SYNE3: variants seen among roughly 807,000 people sequenced by gnomAD.
The protein encoded by SYNE3 is nesprin-3.
Under a neutral mutation model 111.2 loss-of-function variants are expected in SYNE3, and 100 were observed. The observed-to-expected ratio is 0.90, with a 90% CI of 0.77 to 1.06. The LOEUF is 1.06. SYNE3 is among the 50% of genes least tolerant of loss of function. The probability of loss-of-function intolerance (pLI) is 0.00; values close to 1 mark genes in which losing one functional copy is unlikely to be tolerated. For synonymous variants in SYNE3, 547 were observed against 533.9 expected (o/e 1.02, Z -0.34); for missense variants, 1,160 against 1,240.3 (o/e 0.94, Z 0.97).
intron 1 of SYNE3, among the ~76,000 whole-genome samples, chr14:95,509,509 T>G (rs975151427): frequency 1.3e-5 from 2 of 152,186 alleles, no homozygotes; most frequent in Admixed American, 6.5e-5. Context: ...GGTCCTTGAA[T>G]GAGAAAACAT....
intron 17 of SYNE3, among the ~76,000 whole-genome samples, chr14:95,428,533 G>T (rs556664918): frequency 6.6e-6 from 1 of 152,186 alleles, no homozygotes; most frequent in African/African-American, 2.4e-5. Context: ...ATATGAAATG[G>T]ATGGGAGATG....
At chr14:95,424,867 G>A (rs1885346617) in intron 17 of SYNE3, among the ~76,000 whole-genome samples, 1 of 152,078 alleles carries the variant, frequency 6.6e-6, no homozygotes, top group Non-Finnish European at 1.5e-5. Flanking sequence ...ATTGGATCCT[G>A]GACTGAGAAA....
At chr14:95,499,559 G>C (rs1030943948) in intron 1 of SYNE3, among the ~76,000 whole-genome samples, 13 of 152,110 alleles carry the variant, frequency 8.5e-5, no homozygotes, top group Admixed American at 4.6e-4. Context: ...TAGAGGACTG[G>C]GAACTAACAT....
chr14:95,485,330 G>T lies in SYNE3; in HGVS notation c.-14-9495C>A, dbSNP rs946159662. On this transcript the variant is annotated intron_variant, in intron 1 of 17. Coordinates refer to ENST00000682763, the MANE Select transcript of SYNE3 (RefSeq NM_152592.6). The surrounding 1 kb of genome is among the most constrained non-coding windows in gnomAD (Gnocchi z 4.3). Reference sequence around the variant, plus strand: ...TCCTCTTGGAGAAGGACAGAGTGAGGCGGGGCTGCTGGCCCCCTCCCCACA... The same window carrying T: ...TCCTCTTGGAGAAGGACAGAGTGAGTCGGGGCTGCTGGCCCCCTCCCCACA... Among the ~76,000 whole-genome samples the T allele has an allele frequency of 2.6e-5, 4 of 152,112 alleles. No homozygotes were observed. Among genetic ancestry groups the T allele is most frequent in the African/African-American group, 9.7e-5 (4 of 41,400 alleles).
chr14:95,508,746 T>G (rs1480117782), intron 1 of SYNE3, among the ~76,000 whole-genome samples: 2 of 152,110 alleles, frequency 1.3e-5, no homozygotes, highest in Non-Finnish European at 2.9e-5. Context: ...CCAAGAGATA[T>G]TTGCAAGGTT....
rs536053860 is a variant in SYNE3, at chr14:95,440,761, C to T, written c.1912-686G>A. 3.5e-4 allele frequency among the ~76,000 whole-genome samples: 53 copies of T among 152,278 alleles called. 1 individual carries two copies. Among genetic ancestry groups the T allele is most frequent in the Middle Eastern group, 3.4e-3 (1 of 294 alleles). ...TGTTGCGGGAAGCATGAAGTCAGAG[C>T]CCCCCTTGAGGGTCGGGAATGGTGA... On this transcript the variant is annotated intron_variant, in intron 11 of 17. Coordinates refer to ENST00000682763, the MANE Select transcript of SYNE3 (RefSeq NM_152592.6).
At chr14:95,496,032 C>G (rs764843711) in intron 1 of SYNE3, among the ~76,000 whole-genome samples, 21 of 152,196 alleles carry the variant, frequency 1.4e-4, no homozygotes, top group Non-Finnish European at 2.6e-4. Flanking sequence ...CCTCTCATTC[C>G]ACTCAGAGGG....
intron 17 of SYNE3, among the ~76,000 whole-genome samples, chr14:95,428,861 CT>C (rs1885580800): frequency 6.6e-6 from 1 of 152,188 alleles, no homozygotes; most frequent in African/African-American, 2.4e-5. Flanking sequence ...GTAGCTGGGG[CT>C]TTCAATGACT....
chr14:95,479,247 A>AAAAAAAAAAAAAAAAAAAAC (rs1889083785), intron 1 of SYNE3, among the ~76,000 whole-genome samples: 1 of 134,236 alleles, frequency 7.4e-6, no homozygotes, highest in African/African-American at 2.7e-5. Context: ...AAAAAAAAAA[A>AAAAAAAAAAAAAAAAAAAAC]AAAAATTAGC....
chr14:95,422,325 G>A (rs1885172780), intron 17 of SYNE3, among the ~76,000 whole-genome samples: 1 of 152,042 alleles, frequency 6.6e-6, no homozygotes, highest in South Asian at 2.1e-4. Flanking sequence ...GGGCCTCCTA[G>A]GCACCTTGAG....
At position 95,410,541 on chromosome 14, in the gene SYNE3, A is replaced by C. The variant is rs1188910523; in HGVS notation, c.*7285T>G. On this transcript the variant is annotated 3_prime_UTR_variant, in exon 18 of 18. Transcript: ENST00000682763. ...CGTCTAGTTCACTCCCCTTCTTCCT[A>C]CCTGGAACCCAGATGAAAAATTGGA... The C allele has an allele frequency of 1.3e-5, 2 of 152,336 alleles. No individual in the cohort carries two copies. Among genetic ancestry groups the C allele is most frequent in the East Asian group, 3.9e-4 (2 of 5,182 alleles). The allele number at this position is 152,336 out of a possible 1,614,324, so 9.4% of individuals were successfully genotyped here.
chr14:95,504,638 G>C (rs948872849), intron 1 of SYNE3, among the ~76,000 whole-genome samples: 1 of 152,104 alleles, frequency 6.6e-6, no homozygotes, highest in African/African-American at 2.4e-5. Context: ...TTGCTGGACT[G>C]GGTCCCACCT....
chr14:95,438,834 A>G lies in SYNE3; in HGVS notation c.2376+199T>C. 6.1e-6 allele frequency: 4 copies of G among 660,370 alleles called. No individual in the cohort carries two copies. In the South Asian group the frequency reaches 8.4e-5, roughly 14 times the overall value. 40.9% of individuals were successfully genotyped at this position (660,370 alleles called of 1,614,324 possible). On this transcript the variant is annotated intron_variant, in intron 14 of 17. Coordinates refer to ENST00000682763, the MANE Select transcript of SYNE3 (RefSeq NM_152592.6). ...GTGGCCTGGCTCTGCAGACTCTGGG[A>G]TCTCTGAGGTCCTCTGTGGAGTAGG...
intron 1 of SYNE3, among the ~76,000 whole-genome samples, chr14:95,507,333 C>G (rs1434175818): frequency 6.6e-6 from 1 of 152,202 alleles, no homozygotes; most frequent in East Asian, 1.9e-4. Context: ...TGCCATTGCC[C>G]AAGGCACTGG....
chr14:95,458,512 T>G (rs1402339037), intron 4 of SYNE3, among the ~76,000 whole-genome samples: 1 of 152,202 alleles, frequency 6.6e-6, no homozygotes, highest in Admixed American at 6.5e-5. Context: ...GTCTCCTGCC[T>G]TCTCCAAGCT....
At chr14:95,475,369 G>T (rs1405036452) in intron 2 of SYNE3, among the ~76,000 whole-genome samples, 1 of 148,112 alleles carries the variant, frequency 6.8e-6, no homozygotes, top group African/African-American at 2.4e-5. Context: ...AGGCTGCACG[G>T]GTCCCCCCTG....
intron 17 of SYNE3, among the ~76,000 whole-genome samples, chr14:95,430,875 G>A (rs1885722965): frequency 6.6e-6 from 1 of 151,684 alleles, no homozygotes; most frequent in Non-Finnish European, 1.5e-5. Flanking sequence ...GAACCCCAAG[G>A]GGCCAAACAA....
chr14:95,501,337 A>T (rs1413254726), intron 1 of SYNE3, among the ~76,000 whole-genome samples: 1 of 151,794 alleles, frequency 6.6e-6, no homozygotes, highest in East Asian at 1.9e-4. Context: ...CTTGTCCATG[A>T]CTCCTACCTG....
At chr14:95,425,243 C>CAAA (rs71132347) in intron 17 of SYNE3, among the ~76,000 whole-genome samples, 2 of 142,840 alleles carry the variant, frequency 1.4e-5, no homozygotes, top group African/African-American at 5.2e-5. Flanking sequence ...GAGACTCCAT[C>CAAA]AAAAAAAAAA....
Sources: gnomAD v4.1 joint callset for allele counts (sites outside exome capture counted in the v4.1 genomes callset) on GRCh38, gnomAD v4.1.1 for gene constraint, Gnocchi (gnomAD v3.1) non-coding constraint, MANE v1.5 for transcripts, NCBI Gene and HGNC (gene_info 2026-07-23, HGNC 2026-07-21) for gene names.